The following SUMF1 variants were observed in gnomAD, a reference collection of about 807,000 sequenced individuals.
SUMF1 encodes the protein sulfatase modifying factor 1.
In SUMF1, 48 loss-of-function variants were observed where a neutral mutation model predicts 47.6. That is an observed-to-expected ratio of 1.01 (90% CI 0.80 to 1.28). SUMF1 has a LOEUF of 1.28. SUMF1 is among the 50% of genes most tolerant of loss of function. The pLI, the probability that SUMF1 is intolerant of heterozygous loss-of-function variation, is 0.00. For missense variants in SUMF1, 571 were observed against 485.4 expected (o/e 1.18, Z -1.66); for synonymous variants, 230 against 192.1 (o/e 1.20, Z -1.63).
chr3:4,221,133 C>T (rs574529450), intron 8 of SUMF1, among the ~76,000 whole-genome samples: 5 of 152,212 alleles, frequency 3.3e-5, no homozygotes, highest in African/African-American at 9.6e-5. Flanking sequence ...TTTTATTCAC[C>T]ACAGGGCCTC....
At chr3:4,095,556 T>G (rs534704209) in intron 8 of SUMF1, among the ~76,000 whole-genome samples, 1 of 152,228 alleles carries the variant, frequency 6.6e-6, no homozygotes, top group Admixed American at 6.5e-5. Flanking sequence ...TTTCTGCCAC[T>G]GACAAGAAAC....
At chr3:4,350,332 C>CGTGTGTGT (rs10674918) in intron 8 of SUMF1, among the ~76,000 whole-genome samples, 28 of 146,568 alleles carry the variant, frequency 1.9e-4, no homozygotes, top group African/African-American at 6.9e-4. Context: ...TGTGTATATG[C>CGTGTGTGT]GTGTGTGTGT....
chr3:4,370,467 T>C (rs1290187815), intron 8 of SUMF1, among the ~76,000 whole-genome samples: 2 of 152,238 alleles, frequency 1.3e-5, no homozygotes, highest in Non-Finnish European at 2.9e-5. Context: ...ATGGCATATT[T>C]CTACCTGTCA....
At chr3:4,354,548 G>A (rs903240202) in intron 8 of SUMF1, among the ~76,000 whole-genome samples, 3 of 152,180 alleles carry the variant, frequency 2.0e-5, no homozygotes, top group African/African-American at 7.2e-5. Flanking sequence ...GAACTTCGTG[G>A]GACAGACCGA....
chr3:4,252,986 C>A (rs1269078180), intron 8 of SUMF1, among the ~76,000 whole-genome samples: 1 of 152,196 alleles, frequency 6.6e-6, no homozygotes, highest in Admixed American at 6.5e-5. Flanking sequence ...CTTAGATCAT[C>A]TAGCTTTCAA....
chr3:4,313,293 A>G, intron 8 of SUMF1: 1 of 1,613,986 alleles, frequency 6.2e-7, no homozygotes, highest in East Asian at 2.2e-5. Context: ...GAATTCACTT[A>G]CAAACAAAAT....
chr3:4,199,782 TGTCTA>T (rs911513588), intron 8 of SUMF1, among the ~76,000 whole-genome samples: 3 of 152,272 alleles, frequency 2.0e-5, no homozygotes, highest in South Asian at 2.1e-4. Context: ...TCTGGTGAAG[TGTCTA>T]GTCAAGTTTT....
At chr3:4,229,787 G>A (rs76741095) in intron 8 of SUMF1, among the ~76,000 whole-genome samples, 4,151 of 152,144 alleles carry the variant, frequency 0.027, 181 homozygotes, top group African/African-American at 0.094. Flanking sequence ...GCCAAGGTAG[G>A]AGAACTGCTT....
chr3:4,045,101 T>C (rs1276065132), intron 9 of SUMF1, among the ~76,000 whole-genome samples: 1 of 152,190 alleles, frequency 6.6e-6, no homozygotes, highest in East Asian at 1.9e-4. Context: ...TAGGTGTTTC[T>C]GCAAAGGTGT....
At chr3:4,359,669 C>T (rs1385876179), downstream of SUMF1, among the ~76,000 whole-genome samples, 1 of 152,086 alleles carries the variant, frequency 6.6e-6, no homozygotes, top group Non-Finnish European at 1.5e-5. Context: ...GGGGGAAAAG[C>T]CCCTTGTAAA....
At chr3:4,055,015 G>A (rs1035466454) in intron 9 of SUMF1, among the ~76,000 whole-genome samples, 1 of 152,114 alleles carries the variant, frequency 6.6e-6, no homozygotes, top group Non-Finnish European at 1.5e-5. Context: ...CTTACAAACA[G>A]CACTTAACCA....
At chr3:4,104,539 C>G (rs966785029) in intron 8 of SUMF1, among the ~76,000 whole-genome samples, 5 of 151,986 alleles carry the variant, frequency 3.3e-5, no homozygotes, top group Non-Finnish European at 5.9e-5. Flanking sequence ...AATGCACCCA[C>G]AGGCAATCAG....
intron 8 of SUMF1, among the ~76,000 whole-genome samples, chr3:4,164,030 T>C (rs1265455817): frequency 6.6e-6 from 1 of 152,122 alleles, no homozygotes; most frequent in African/African-American, 2.4e-5. Flanking sequence ...GATTCCCTCC[T>C]CAAGTAGGGA....
At chr3:4,299,934 C>T (rs78258986) in intron 8 of SUMF1, among the ~76,000 whole-genome samples, 2,346 of 152,310 alleles carry the variant, frequency 0.015, 78 homozygotes, top group African/African-American at 0.054. Flanking sequence ...ATTTCAGATA[C>T]TGTGCCCCTA....
At chr3:4,321,009 A>T (rs541771276) in intron 8 of SUMF1, among the ~76,000 whole-genome samples, 1 of 152,266 alleles carries the variant, frequency 6.6e-6, no homozygotes, top group African/African-American at 2.4e-5. Flanking sequence ...TATAATTCTG[A>T]TATTAACAAC....
intron 8 of SUMF1, among the ~76,000 whole-genome samples, chr3:4,195,221 T>G (rs1695402659): frequency 6.6e-6 from 1 of 152,170 alleles, no homozygotes; most frequent in African/African-American, 2.4e-5. Context: ...TTATCTAATC[T>G]GCCAAGAAAC....
At chr3:4,136,427 G>T (rs1257310600) in intron 8 of SUMF1, among the ~76,000 whole-genome samples, 4 of 152,094 alleles carry the variant, frequency 2.6e-5, no homozygotes, top group Non-Finnish European at 4.4e-5. Context: ...TATGTAGAAA[G>T]CTGAAACTGG....
chr3:4,313,964 T>C (rs1206733978), intron 8 of SUMF1: 25 of 946,262 alleles, frequency 2.6e-5, no homozygotes, highest in Non-Finnish European at 3.5e-5. Flanking sequence ...CTCACTTTCC[T>C]AGTTAGATTT....
chr3:4,285,494 A>G (rs1258935406), intron 8 of SUMF1, among the ~76,000 whole-genome samples: 1 of 152,206 alleles, frequency 6.6e-6, no homozygotes, highest in East Asian at 1.9e-4. Context: ...AAAAATGTAT[A>G]TGGTTATTCC....
Sources: allele counts gnomAD v4.1 joint callset (sites outside exome capture counted in the v4.1 genomes callset), GRCh38; gene constraint gnomAD v4.1.1; transcripts MANE v1.5; gene names NCBI Gene and HGNC (gene_info 2026-07-23, HGNC 2026-07-21).